The following NFIA variants were observed in gnomAD, a reference collection of about 807,000 sequenced individuals.
NFIA encodes the protein nuclear factor I A, also known as nuclear factor 1 A-type.
Under a neutral mutation model 62.8 loss-of-function variants are expected in NFIA, and 8 were observed. The ratio of observed to expected loss-of-function variants is 0.13; its 90% CI spans 0.07 to 0.23. The LOEUF (loss-of-function observed/expected upper bound fraction) is 0.23, where lower values mean the gene tolerates loss of function less well. Ranked by LOEUF, NFIA falls within the 10% of genes least tolerant of loss-of-function variation. The pLI, the probability that NFIA is intolerant of heterozygous loss-of-function variation, is 1.00. For synonymous variants in NFIA, 235 were observed against 238.1 expected (o/e 0.99, Z 0.12); for missense variants, 410 against 642.1 (o/e 0.64, Z 3.91).
intron 3 of NFIA, among the ~76,000 whole-genome samples, chr1:61,284,812 C>T (rs1172170213): frequency 1.3e-5 from 2 of 152,066 alleles, no homozygotes; most frequent in Non-Finnish European, 2.9e-5. Flanking sequence ...CAACCCTTCA[C>T]ACACAAAGAG....
At chr1:61,182,653 T>C (rs1408784469) in intron 2 of NFIA, among the ~76,000 whole-genome samples, 1 of 152,222 alleles carries the variant, frequency 6.6e-6, no homozygotes, top group Non-Finnish European at 1.5e-5. Flanking sequence ...CATAACAGTT[T>C]GGCTTGCTTT....
At chr1:61,414,721 C>G (rs1666275154) in intron 9 of NFIA, among the ~76,000 whole-genome samples, 1 of 151,952 alleles carries the variant, frequency 6.6e-6, no homozygotes. Flanking sequence ...AGAGAAGAAG[C>G]AGTAGATTTT....
At chr1:61,369,296 A>G (rs965966389) in intron 6 of NFIA, among the ~76,000 whole-genome samples, 1 of 152,154 alleles carries the variant, frequency 6.6e-6, no homozygotes, top group Non-Finnish European at 1.5e-5. Context: ...ATTTGTAGAT[A>G]ATAGATTGGG....
At chr1:61,171,276 T>C (rs1365798622) in intron 2 of NFIA, among the ~76,000 whole-genome samples, 1 of 152,208 alleles carries the variant, frequency 6.6e-6, no homozygotes, top group African/African-American at 2.4e-5. Flanking sequence ...ATGATGATGT[T>C]TAACCCATCT....
intron 2 of NFIA, among the ~76,000 whole-genome samples, chr1:61,208,170 A>G (rs1243028396): frequency 6.6e-6 from 1 of 152,060 alleles, no homozygotes. Flanking sequence ...CCCTATAACT[A>G]GATCATCCTT....
intron 2 of NFIA, among the ~76,000 whole-genome samples, chr1:61,240,398 CT>C (rs1655273681): frequency 6.6e-6 from 1 of 151,940 alleles, no homozygotes; most frequent in Admixed American, 6.6e-5. Context: ...AAATTTTTGT[CT>C]TTTAACATCA....
intron 2 of NFIA, among the ~76,000 whole-genome samples, chr1:61,239,873 G>A (rs1389510060): frequency 2.0e-5 from 3 of 152,038 alleles, no homozygotes; most frequent in African/African-American, 7.2e-5. Context: ...AAATTCTGGG[G>A]TTTCCTCTCT....
intron 2 of NFIA, among the ~76,000 whole-genome samples, chr1:61,237,246 C>A (rs1033485833): frequency 1.3e-5 from 2 of 152,198 alleles, no homozygotes; most frequent in Non-Finnish European, 2.9e-5. Context: ...TCAAAGCACT[C>A]TCCCAACTCA....
intron 1 of NFIA, among the ~76,000 whole-genome samples, chr1:61,084,402 T>C (rs1208404381): frequency 6.6e-6 from 1 of 152,200 alleles, no homozygotes; most frequent in African/African-American, 2.4e-5. Flanking sequence ...TGGATAGCAG[T>C]TACTTTTAGT....
chr1:61,187,902 G>A (rs566782981), intron 2 of NFIA, among the ~76,000 whole-genome samples: 3 of 152,264 alleles, frequency 2.0e-5, no homozygotes, highest in Non-Finnish European at 4.4e-5. Context: ...ACAGGGTGGG[G>A]AAAAGGCAGC....
chr1:61,196,932 TGTGTGTGTGCGC>T (rs1438312561), intron 2 of NFIA, among the ~76,000 whole-genome samples: 55 of 104,398 alleles, frequency 5.3e-4, no homozygotes, highest in African/African-American at 2.8e-3. Flanking sequence ...TGTGTGTGTG[TGTGTGTGTGCGC>T]GCGCGCGCTG....
At chr1:61,320,339 G>A (rs1179088853) in intron 3 of NFIA, among the ~76,000 whole-genome samples, 2 of 152,168 alleles carry the variant, frequency 1.3e-5, no homozygotes, top group Non-Finnish European at 2.9e-5. Context: ...ATCTGCAGAA[G>A]TGAATAATAC....
intron 6 of NFIA, among the ~76,000 whole-genome samples, chr1:61,375,811 C>T (rs1018338083): frequency 6.6e-6 from 1 of 152,204 alleles, no homozygotes; most frequent in East Asian, 1.9e-4. Flanking sequence ...CCTGTAGCCA[C>T]TACCCTATTT....
In NFIA at chr1:61,238,357, T is replaced by C. The variant is rs181178060; in HGVS notation, c.560-39163T>C. Among the ~76,000 whole-genome samples, 13 of 152,368 alleles carry C rather than the reference T, an allele frequency of 8.5e-5. No homozygotes were observed. In the East Asian group the frequency reaches 2.5e-3, roughly 29 times the overall value. On this transcript the variant is annotated intron_variant, in intron 2 of 10. Transcript: ENST00000403491. ...TGGTTTCGAATATGATTGGCCTAGC[T>C]TCCTAGCAGTTGTTGAGTCGAGCAT...
intron 2 of NFIA, among the ~76,000 whole-genome samples, chr1:61,147,839 T>C (rs1017759583): frequency 1.3e-5 from 2 of 152,102 alleles, no homozygotes; most frequent in African/African-American, 4.8e-5. Context: ...AGGGCTGAAA[T>C]TGGTGAAATG....
intron 2 of NFIA, among the ~76,000 whole-genome samples, chr1:61,114,896 A>G (rs1646770585): frequency 6.6e-6 from 1 of 152,240 alleles, no homozygotes; most frequent in Non-Finnish European, 1.5e-5. Context: ...ATATTCAGAC[A>G]GGAAGCTGGA....
At chr1:61,214,896 C>G (rs1653511970) in intron 2 of NFIA, among the ~76,000 whole-genome samples, 1 of 152,142 alleles carries the variant, frequency 6.6e-6, no homozygotes, top group Non-Finnish European at 1.5e-5. Flanking sequence ...GGTCTTGGCT[C>G]CGAGTTACCC....
At chr1:61,100,110 G>A (rs933089860) in intron 2 of NFIA, among the ~76,000 whole-genome samples, 2 of 152,216 alleles carry the variant, frequency 1.3e-5, no homozygotes, top group African/African-American at 4.8e-5. Flanking sequence ...AGTTGAAAAA[G>A]TAGTGAGAAA....
intron 7 of NFIA, among the ~76,000 whole-genome samples, chr1:61,393,244 C>CCTCTCTCTCTCTCTCTCT (rs766730638): frequency 1.4e-4 from 4 of 29,086 alleles, no homozygotes; most frequent in Non-Finnish European, 2.2e-4. Flanking sequence ...TCGCCCTCTC[C>CCTCTCTCTCTCTCTCTCT]CTCTCTCTCT....
Sources: gnomAD v4.1 joint callset for allele counts (sites outside exome capture counted in the v4.1 genomes callset) on GRCh38, gnomAD v4.1.1 for gene constraint, MANE v1.5 for transcripts, NCBI Gene and HGNC (gene_info 2026-07-23, HGNC 2026-07-21) for gene names.